KPNA1: variants seen among roughly 807,000 people sequenced by gnomAD.
KPNA1 encodes importin subunit alpha-5.
KPNA1 carries 10 observed loss-of-function variants against 70.5 expected under a neutral mutation model. The observed-to-expected ratio is 0.14, with a 90% confidence interval of 0.09 to 0.24. The LOEUF is 0.24. Among genes scored for constraint, KPNA1 ranks in the 10% least tolerant of loss-of-function variants. KPNA1 has a pLI of 1.00. For missense variants in KPNA1, 397 were observed against 637.9 expected, an observed-to-expected ratio of 0.62 and a Z score of 4.07; for synonymous variants, 192 against 221.9, an observed-to-expected ratio of 0.87 and a Z score of 1.20.
At chr3:122,487,378 T>C (rs551150216) in intron 2 of KPNA1, among the ~76,000 whole-genome samples, 2 of 152,188 alleles carry the variant, frequency 1.3e-5, no homozygotes, top group South Asian at 4.1e-4. Context: ...AAAATGAAAT[T>C]ATCATTATGA....
At chr3:122,428,676 T>C (rs569270630) in intron 12 of KPNA1, among the ~76,000 whole-genome samples, 1 of 152,216 alleles carries the variant, frequency 6.6e-6, no homozygotes, top group South Asian at 2.1e-4. Flanking sequence ...CAAAACTCAG[T>C]CATGGAGAAA....
At chr3:122,493,747 G>A (rs1371997309) in intron 2 of KPNA1, among the ~76,000 whole-genome samples, 6 of 152,012 alleles carry the variant, frequency 3.9e-5, no homozygotes, top group Admixed American at 1.3e-4. Context: ...CACCACACTG[G>A]CTAAATTTTA....
intron 12 of KPNA1, among the ~76,000 whole-genome samples, chr3:122,430,334 G>A (rs1387758226): frequency 6.6e-6 from 1 of 151,976 alleles, no homozygotes; most frequent in Non-Finnish European, 1.5e-5. Flanking sequence ...AGGTTTTTGG[G>A]TCTATATTTT....
chr3:122,502,062 C>G (rs1233788190), intron 1 of KPNA1, among the ~76,000 whole-genome samples: 1 of 152,202 alleles, frequency 6.6e-6, no homozygotes, highest in Admixed American at 6.5e-5. Flanking sequence ...TAATTTATAA[C>G]ATGCTACCAC....
chr3:122,494,950 T>C (rs1488869709), intron 2 of KPNA1, among the ~76,000 whole-genome samples: 1 of 151,988 alleles, frequency 6.6e-6, no homozygotes, highest in Non-Finnish European at 1.5e-5. Context: ...AAATATATAA[T>C]CATGCTGTTA....
chr3:122,467,305 A>G lies in KPNA1; in HGVS notation c.237+17T>C, dbSNP rs746396136. Reference sequence around the variant, plus strand: ...TATCTTCATCACAAAAACACTGAAAAGAGTTCATTATCTTACTGGTGCCAT... The same window carrying G: ...TATCTTCATCACAAAAACACTGAAAGGAGTTCATTATCTTACTGGTGCCAT... On this transcript the variant is annotated intron_variant, in intron 3 of 13. Transcript: ENST00000344337. 7.5e-7 allele frequency: 1 copy of G among 1,333,308 alleles called. No individual in the cohort carries two copies. The highest frequency in any genetic ancestry group is 1.1e-6 in the Non-Finnish European group (1 of 936,014). 82.6% of individuals were successfully genotyped at this position (1,333,308 alleles called of 1,614,324 possible).
intron 9 of KPNA1, among the ~76,000 whole-genome samples, chr3:122,447,497 A>G (rs571626167): frequency 6.6e-6 from 1 of 152,328 alleles, no homozygotes; most frequent in East Asian, 1.9e-4. Context: ...AACTCTCAAT[A>G]AACTAGGTAT....
chr3:122,499,326 A>C (rs995398150), intron 1 of KPNA1, among the ~76,000 whole-genome samples: 1 of 152,226 alleles, frequency 6.6e-6, no homozygotes, highest in Non-Finnish European at 1.5e-5. Context: ...ATTTTCTGTA[A>C]AGGCACTTTT....
intron 2 of KPNA1, among the ~76,000 whole-genome samples, chr3:122,468,581 T>TA (rs1440924256): frequency 6.6e-6 from 1 of 152,218 alleles, no homozygotes; most frequent in East Asian, 1.9e-4. Context: ...TACTAAAATA[T>TA]AAAAAACACA....
chr3:122,437,935 A>G (rs747551715), intron 10 of KPNA1, among the ~76,000 whole-genome samples: 33 of 152,244 alleles, frequency 2.2e-4, no homozygotes, highest in Non-Finnish European at 1.2e-4. Flanking sequence ...TAAAGTTTAT[A>G]ATAAGTTAAT....
At chr3:122,484,684 A>C (rs1269699812) in intron 2 of KPNA1, among the ~76,000 whole-genome samples, 8 of 148,956 alleles carry the variant, frequency 5.4e-5, no homozygotes, top group Non-Finnish European at 9.0e-5. Context: ...AATAAAGGAA[A>C]GCAAAGGAAA....
At chr3:122,499,226 T>C (rs1309504872) in intron 1 of KPNA1, among the ~76,000 whole-genome samples, 2 of 152,186 alleles carry the variant, frequency 1.3e-5, no homozygotes, top group South Asian at 2.1e-4. Context: ...TCCAATACAA[T>C]GTTGAATAGA....
At chr3:122,456,116 G>A (rs911915943) in intron 5 of KPNA1, among the ~76,000 whole-genome samples, 3 of 152,236 alleles carry the variant, frequency 2.0e-5, no homozygotes, top group Non-Finnish European at 4.4e-5. Flanking sequence ...TTTGCTTGTA[G>A]TTTGGATATC....
At chr3:122,435,414 T>G (rs368090947) in intron 11 of KPNA1, among the ~76,000 whole-genome samples, 15 of 152,164 alleles carry the variant, frequency 9.9e-5, no homozygotes, top group African/African-American at 3.6e-4. Context: ...AGTAACTATT[T>G]AAAGAAAAAT....
chr3:122,461,950 C>G (rs943045745), intron 4 of KPNA1, among the ~76,000 whole-genome samples: 1 of 152,222 alleles, frequency 6.6e-6, no homozygotes, highest in South Asian at 2.1e-4. Flanking sequence ...TGACAATATG[C>G]GTGTGGCAAT....
At chr3:122,447,257 G>C (rs1310563290) in intron 9 of KPNA1, among the ~76,000 whole-genome samples, 1 of 152,164 alleles carries the variant, frequency 6.6e-6, no homozygotes, top group Non-Finnish European at 1.5e-5. Flanking sequence ...GATGAACATT[G>C]ATGTGAAAAT....
At chr3:122,474,037 C>T (rs2076471511) in intron 2 of KPNA1, among the ~76,000 whole-genome samples, 1 of 152,074 alleles carries the variant, frequency 6.6e-6, no homozygotes, top group South Asian at 2.1e-4. Context: ...ATACAAAATT[C>T]AACTGCTTTC....
At chr3:122,460,785 G>T (rs60222267) in intron 5 of KPNA1, 53,861 of 431,296 alleles carry the variant, frequency 0.12, 3,530 homozygotes, top group East Asian at 0.31. Context: ...TCTCCTTATC[G>T]GCTTTTTGTG....
intron 2 of KPNA1, among the ~76,000 whole-genome samples, chr3:122,471,407 TAAAG>T (rs1266947917): frequency 6.6e-6 from 1 of 152,026 alleles, no homozygotes; most frequent in East Asian, 1.9e-4. Context: ...TGGCAAAAAA[TAAAG>T]ACTAAAAGAG....
Sources: gnomAD v4.1 joint callset for allele counts (sites outside exome capture counted in the v4.1 genomes callset) on GRCh38, gnomAD v4.1.1 for gene constraint, MANE v1.5 for transcripts, NCBI Gene and HGNC (gene_info 2026-07-23, HGNC 2026-07-21) for gene names.